The following CAPN14 variants were observed in gnomAD, a reference collection of about 807,000 sequenced individuals.
The protein encoded by CAPN14 is calpain-14.
Under a neutral mutation model 101.3 loss-of-function variants are expected in CAPN14, and 94 were observed. The observed-to-expected ratio is 0.93, with a 90% CI of 0.79 to 1.10. CAPN14 has a LOEUF of 1.10. Ranked by LOEUF, CAPN14 falls within the 50% of genes least tolerant of loss-of-function variation. The pLI, the probability that CAPN14 is intolerant of heterozygous loss-of-function variation, is 0.00. For missense variants in CAPN14, 837 were observed against 828.4 expected, an observed-to-expected ratio of 1.01 and a Z score of -0.13; for synonymous variants, 338 against 317.9, an observed-to-expected ratio of 1.06 and a Z score of -0.67.
At chr2:31,198,321 G>A (rs1362262738) in intron 7 of CAPN14, among the ~76,000 whole-genome samples, 2 of 148,828 alleles carry the variant, frequency 1.3e-5, no homozygotes, top group Non-Finnish European at 3.0e-5. Flanking sequence ...GTTGATTGAT[G>A]TCTCATGTCT....
Position 31,174,607 on chromosome 2 carries a change from G to T in CAPN14, c.*74C>A, listed in dbSNP as rs1572380984. Reference sequence around the variant, plus strand: ...AAGATCAGTAAGTAGGGTGGGCATGGGTTGGTCTCAGCCAAAGGCTGCTCT... The same window carrying T: ...AAGATCAGTAAGTAGGGTGGGCATGTGTTGGTCTCAGCCAAAGGCTGCTCT... On this transcript the variant is annotated 3_prime_UTR_variant, in exon 22 of 22. Transcript: ENST00000403897. 3 of 1,477,874 alleles carry T rather than the reference G, an allele frequency of 2.0e-6. No individual in the cohort carries two copies. Among genetic ancestry groups the T allele is most frequent in the South Asian group, 1.2e-5 (1 of 82,532 alleles). 91.5% of individuals were successfully genotyped at this position (1,477,874 alleles called of 1,614,324 possible). A position where few individuals can be genotyped will look rare whatever the true frequency, so the allele number is the denominator to read the frequency against.
rs1484266596 is a variant in CAPN14, at chr2:31,188,329, C to T, written c.1519G>A (p.Val507Ile). 3.5e-5 allele frequency: 54 copies of T among 1,551,444 alleles called. No individual in the cohort carries two copies. Among genetic ancestry groups the T allele is most frequent in the Non-Finnish European group, 4.4e-5 (50 of 1,146,888 alleles). ...ACCAGACTACTCACCTTTGAGAAGA[C>T]GACACCAGAATTGCTGCCAATTTCA... is the stretch of plus-strand genomic sequence containing the variant. ...FYEIGSNSGV[V>I]FSKEIEDQNE... The change falls in exon 14 of 22, where the codon GTC becomes ATC. Residue 507 changes from valine to isoleucine, a missense_variant. Transcript: ENST00000403897.
chr2:31,230,470 G>A lies in CAPN14; in HGVS notation c.-177+3321C>T, dbSNP rs1001078707. Reference sequence around the variant, plus strand: ...CCAAAGTATTTGTGCCAGCCTGCACGCCCATCAGCATTTTATGAGAGCTCC... The same window carrying A: ...CCAAAGTATTTGTGCCAGCCTGCACACCCATCAGCATTTTATGAGAGCTCC... On this transcript the variant is annotated intron_variant and NMD_transcript_variant, in intron 1 of 21. Coordinates refer to the CAPN14 transcript ENST00000398824. The surrounding 1 kb of genome is among the most constrained non-coding windows in gnomAD (Gnocchi z 4.3). 6.6e-6 allele frequency among the ~76,000 whole-genome samples: 1 copy of A among 152,142 alleles called. No individual in the cohort carries two copies. Among genetic ancestry groups the A allele is most frequent in the African/African-American group, 2.4e-5 (1 of 41,426 alleles).
At chr2:31,213,242 T>C (rs538798038) in intron 1 of CAPN14, among the ~76,000 whole-genome samples, 5 of 152,286 alleles carry the variant, frequency 3.3e-5, no homozygotes, top group Non-Finnish European at 1.5e-5. Context: ...TCACCCTCAA[T>C]ATGGGATGAC....
intron 2 of CAPN14, among the ~76,000 whole-genome samples, chr2:31,204,303 T>C (rs111902506): frequency 5.3e-5 from 8 of 152,292 alleles, no homozygotes; most frequent in South Asian, 2.1e-4. Context: ...TGGTGTGATA[T>C]TGTGAAATAT....
intron 4 of CAPN14, 64 bp downstream of exon 4, chr2:31,202,070 T>C (rs927145217): frequency 1.2e-5 from 18 of 1,549,892 alleles, no homozygotes; most frequent in African/African-American, 2.7e-5. Flanking sequence ...GGTGAAGACA[T>C]GGTCCTCCAG....
intron 14 of CAPN14, among the ~76,000 whole-genome samples, chr2:31,188,018 T>C (rs1317863350): frequency 6.6e-6 from 1 of 152,136 alleles, no homozygotes; most frequent in Non-Finnish European, 1.5e-5. Flanking sequence ...AACAGTGAAA[T>C]GGACAAAAGA....
rs150231072 is a variant in CAPN14 at position 31,176,555 on chromosome 2, G to A, written c.2028+32C>T. 2.3e-3 allele frequency: 3,606 copies of A among 1,538,050 alleles called. 146 individuals are homozygous for A. In the Admixed American group the frequency reaches 0.067, roughly 28 times the overall value. ...CGCAAGGGCCACCTCTACGTAAGAT[G>A]ACATGAGCCACCTCCTTGGGGCAAG... On this transcript the variant is annotated intron_variant, in intron 21 of 21. Coordinates refer to ENST00000403897, the MANE Select transcript of CAPN14 (RefSeq NM_001145122.2).
intron 1 of CAPN14, among the ~76,000 whole-genome samples, chr2:31,216,330 C>T (rs982067059): frequency 6.6e-6 from 1 of 152,120 alleles, no homozygotes; most frequent in East Asian, 1.9e-4. Context: ...TTTTCTACTG[C>T]TTGTTTTGAT....
rs1365041424 is a variant in CAPN14, at chr2:31,230,332, C to T, written c.-177+3459G>A. On this transcript the variant is annotated intron_variant and NMD_transcript_variant, in intron 1 of 21. Coordinates refer to the CAPN14 transcript ENST00000398824. The surrounding 1 kb of genome is among the most constrained non-coding windows in gnomAD (Gnocchi z 4.3). ...CCATCAACATTCTTAAGACTTATCT[C>T]CCTATGCACATGTGCAAGAGTTTCT... 1.3e-5 allele frequency among the ~76,000 whole-genome samples: 2 copies of T among 152,206 alleles called. No individual in the cohort carries two copies. Among genetic ancestry groups the T allele is most frequent in the Non-Finnish European group, 1.5e-5 (1 of 68,034 alleles).
chr2:31,228,075 G>A (rs967577078), intron 1 of CAPN14, among the ~76,000 whole-genome samples: 1 of 152,242 alleles, frequency 6.6e-6, no homozygotes, highest in Admixed American at 6.5e-5. Flanking sequence ...GCAGGAAGCA[G>A]CTGTGGGAGG....
intron 1 of CAPN14, among the ~76,000 whole-genome samples, chr2:31,227,708 G>C (rs1003914943): frequency 2.0e-5 from 3 of 152,196 alleles, no homozygotes; most frequent in Admixed American, 2.0e-4. Context: ...AACTCGGCCT[G>C]ATCTCATCAG....
intron 16 of CAPN14, among the ~76,000 whole-genome samples, chr2:31,184,172 C>T (rs537897394): frequency 5.3e-5 from 8 of 152,284 alleles, no homozygotes; most frequent in Admixed American, 4.6e-4. Flanking sequence ...AGTGAGCCAC[C>T]GCGCCCGGCC....
intron 1 of CAPN14, among the ~76,000 whole-genome samples, chr2:31,232,039 T>G (rs560601690): frequency 2.0e-5 from 3 of 152,186 alleles, no homozygotes; most frequent in Non-Finnish European, 4.4e-5. Flanking sequence ...AGATCTGAGA[T>G]GTAACTAAGG....
At chr2:31,177,554 C>T (rs1680366427) in intron 19 of CAPN14, among the ~76,000 whole-genome samples, 192 bp downstream of exon 19, 1 of 152,196 alleles carries the variant, frequency 6.6e-6, no homozygotes, top group Non-Finnish European at 1.5e-5. Context: ...GAATGTGCCA[C>T]CCCTCCATCA....
rs1157463157 is a variant in CAPN14 at position 31,205,269 on chromosome 2, G to A, written c.179C>T (p.Ser60Phe). 5.2e-6 allele frequency: 8 copies of A among 1,549,904 alleles called. No homozygotes were observed. Among genetic ancestry groups the A allele is most frequent in the African/African-American group, 4.1e-5 (3 of 72,976 alleles). The change falls in exon 2 of 22, where the codon TCC becomes TTC. Residue 60 changes from serine (S) to phenylalanine (F), a missense_variant. Physicochemically the swap from Ser to Phe is radical, Grantham distance 155 (BLOSUM62 -2). Transcript: ENST00000403897. ...PATLSSIGSG[S>F]LLQKLPPRLQ... ...GCGGGGTGGCAGCTTCTGCAGCAGG[G>A]AGCCACTGCCGATGGAGCTCAGGGT...
In CAPN14 at chr2:31,174,653, C is replaced by T. The variant is rs747405571; in HGVS notation, c.*28G>A. 14 of 1,551,100 alleles carry T rather than the reference C, an allele frequency of 9.0e-6. No homozygotes were observed. In the South Asian group the frequency reaches 1.4e-4, roughly 16 times the overall value. ...GCTCTTGGGCCACATGCAGAGTCTT[C>T]AGTGAGGGCAGGTGAGACTCAGCCT... On this transcript the variant is annotated 3_prime_UTR_variant, in exon 22 of 22. Transcript: ENST00000403897.
chr2:31,183,816 C>T (rs1016702113), intron 16 of CAPN14, among the ~76,000 whole-genome samples: 24 of 151,142 alleles, frequency 1.6e-4, no homozygotes, highest in African/African-American at 5.8e-4. Context: ...TCTTCCCTCC[C>T]TCTCTCCCTC....
In CAPN14 at chr2:31,205,420, T is replaced by C. The variant is rs527877188; in HGVS notation, c.28A>G (p.Arg10Gly). The C allele has an allele frequency of 6.4e-7, 1 of 1,551,638 alleles. No individual in the cohort carries two copies. Among genetic ancestry groups the C allele is most frequent in the African/African-American group, 1.4e-5 (1 of 73,174 alleles). The change falls in exon 2 of 22, where the codon AGA becomes GGA. Residue 10 changes from arginine to glycine, a missense_variant. By Grantham distance (125) the Arg-to-Gly change is moderately radical. Coordinates refer to ENST00000403897, the MANE Select transcript of CAPN14 (RefSeq NM_001145122.2). The stretch of plus-strand genomic sequence containing the variant: ...GAGTACCTTGGCGCCAGCTTCCATC[T>C]GCATCGGAAAGGTGGCCACAGAGAC... MSLWPPFRCRWKLAPRYSRR... is the reference protein window; with the variant it reads MSLWPPFRCGWKLAPRYSRR...
Sources: gnomAD v4.1 joint callset for allele counts (sites outside exome capture counted in the v4.1 genomes callset) on GRCh38, gnomAD v4.1.1 for gene constraint, Gnocchi (gnomAD v3.1) non-coding constraint, MANE v1.5 for transcripts, NCBI Gene and HGNC (gene_info 2026-07-23, HGNC 2026-07-21) for gene names.